Variants in CFAP47 observed in about 807,000 individuals in gnomAD.
CFAP47 encodes cilia and flagella associated protein 47, also known as cilia- and flagella-associated protein 47.
A neutral mutation model predicts 148.1 loss-of-function variants in CFAP47; 29 were observed. The observed-to-expected ratio is 0.20, with a 90% CI of 0.15 to 0.27. CFAP47 has a LOEUF of 0.27. CFAP47 is among the 10% of genes least tolerant of loss of function. CFAP47 has a pLI of 1.00. For missense variants in CFAP47, 1,872 were observed against 1,697.5 expected (o/e 1.10, Z -1.81); for synonymous variants, 664 against 577.3 (o/e 1.15, Z -2.15).
intron 8 of CFAP47, among the ~76,000 whole-genome samples, chrX:35,959,998 A>G (rs748390881): frequency 9.0e-6 from 1 of 110,752 alleles, no homozygotes; most frequent in South Asian, 3.8e-4. Flanking sequence ...TCACATATAT[A>G]AAAAAACCAA....
At chrX:36,204,910 G>A (rs1359357637) in intron 44 of CFAP47, 47 bp from the exon 45 acceptor site, 4 of 294,067 alleles carry the variant, frequency 1.4e-5, no homozygotes, top group Non-Finnish European at 2.4e-5. Flanking sequence ...GTGTTTTGGA[G>A]GTGAAAGTTA....
intron 11 of CFAP47, 80 bp downstream of exon 11, chrX:35,971,003 CT>C: frequency 2.5e-6 from 2 of 789,488 alleles, no homozygotes; most frequent in Non-Finnish European, 1.8e-6. Context: ...TCCTTGGTTT[CT>C]TTTTATTTTA....
chrX:36,294,039 G>A (rs1556005989), intron 51 of CFAP47, among the ~76,000 whole-genome samples: 2 of 111,467 alleles, frequency 1.8e-5, no homozygotes, highest in African/African-American at 3.3e-5. Flanking sequence ...AAAGGACCCA[G>A]AGCAAGAAAC....
intron 15 of CFAP47, among the ~76,000 whole-genome samples, chrX:35,977,252 G>A (rs1214736272): frequency 9.0e-6 from 1 of 111,690 alleles, no homozygotes; most frequent in Non-Finnish European, 1.9e-5. Flanking sequence ...CTGCTCACTA[G>A]CTATTTTAAC....
At position 36,047,106 on chromosome X, in the gene CFAP47, G is replaced by T. The variant is rs1360038137; in HGVS notation, c.4217+43G>T. ...ACATTATTTTGTATCTGACATTAAAGAATAACATATTTATATTTTACACCA... is the reference window on the plus strand; with the variant it reads ...ACATTATTTTGTATCTGACATTAAATAATAACATATTTATATTTTACACCA... On this transcript the variant is annotated intron_variant, in intron 26 of 63. Transcript: ENST00000378653. 5 of 852,868 alleles carry T rather than the reference G, an allele frequency of 5.9e-6. No homozygotes were observed. In the East Asian group the frequency reaches 1.7e-4, roughly 29 times the overall value. 70.3% of individuals were successfully genotyped at this position (852,868 alleles called of 1,213,427 possible). A position where few individuals can be genotyped will look rare whatever the true frequency, so the allele number is the denominator to read the frequency against.
At chrX:36,155,261 C>T (rs1939354221) in intron 37 of CFAP47, among the ~76,000 whole-genome samples, 1 of 111,523 alleles carries the variant, frequency 9.0e-6, no homozygotes, top group African/African-American at 3.3e-5. Context: ...TTACCTTGAT[C>T]TTAGTGTTCC....
chrX:36,305,867 G>C (rs1279347132), intron 54 of CFAP47, among the ~76,000 whole-genome samples: 10 of 111,636 alleles, frequency 9.0e-5, no homozygotes, highest in Non-Finnish European at 1.9e-4. Flanking sequence ...GCCAGCCTGA[G>C]ATAAAAATAT....
At chrX:36,233,508 C>T (rs1940402219) in intron 46 of CFAP47, among the ~76,000 whole-genome samples, 1 of 111,241 alleles carries the variant, frequency 9.0e-6, no homozygotes, top group African/African-American at 3.3e-5. Context: ...CTATGTGTGT[C>T]TCTGCCCGTG....
At chrX:36,319,689 G>T (rs1602106855) in intron 57 of CFAP47, among the ~76,000 whole-genome samples, 1 of 111,111 alleles carries the variant, frequency 9.0e-6, no homozygotes, top group East Asian at 2.8e-4. Flanking sequence ...GTAATAAAAA[G>T]TAGTATCAGT....
At chrX:36,306,412 G>T in intron 54 of CFAP47, among the ~76,000 whole-genome samples, 1 of 111,554 alleles carries the variant, frequency 9.0e-6, no homozygotes, top group Middle Eastern at 4.7e-3. Context: ...GTTACAGGTG[G>T]TTTGACATGT....
At chrX:36,374,143 G>C (rs188792235) in intron 62 of CFAP47, among the ~76,000 whole-genome samples, 1 of 110,866 alleles carries the variant, frequency 9.0e-6, no homozygotes, top group African/African-American at 3.3e-5. Flanking sequence ...TGAATATTTA[G>C]TAGAATTTAG....
intron 33 of CFAP47, among the ~76,000 whole-genome samples, chrX:36,114,911 C>T (rs1938614974): frequency 8.9e-6 from 1 of 112,125 alleles, no homozygotes; most frequent in Non-Finnish European, 1.9e-5. Flanking sequence ...GGATTCCTGC[C>T]TTCATGCAAG....
chrX:35,966,157 T>C lies in CFAP47; in HGVS notation c.1411-408T>C, dbSNP rs887893445. ...TATTTAAGAAAAATAATTTTTTAAA[T>C]AATTTTTTAAATAATTTCATTACTT... On this transcript the variant is annotated intron_variant, in intron 8 of 63. Transcript: ENST00000378653. 3.8e-5 allele frequency among the ~76,000 whole-genome samples: 4 copies of C among 106,064 alleles called. No individual in the cohort carries two copies. The Admixed American group carries it at 4.1e-4, about 11-fold the overall frequency. The allele number at this position is 106,064 out of a possible 115,157, so 92.1% of individuals were successfully genotyped here.
intron 18 of CFAP47, among the ~76,000 whole-genome samples, chrX:35,996,551 G>A (rs1327561417): frequency 9.0e-6 from 1 of 111,432 alleles, no homozygotes; most frequent in Non-Finnish European, 1.9e-5. Context: ...TATACAGACA[G>A]GGTTTCCAAG....
chrX:36,170,009 C>T (rs1939546811), intron 39 of CFAP47, among the ~76,000 whole-genome samples: 1 of 111,606 alleles, frequency 9.0e-6, no homozygotes, highest in African/African-American at 3.3e-5. Context: ...TCAGTCTTTC[C>T]CTTCTTCAGG....
At chrX:35,975,416 G>A in intron 14 of CFAP47, 53 bp downstream of exon 14, 8 of 801,658 alleles carry the variant, frequency 1.0e-5, no homozygotes, top group Non-Finnish European at 1.5e-5. Context: ...TACTTCTGTA[G>A]AATATGTATT....
At chrX:36,329,829 C>A (rs1175077433) in intron 57 of CFAP47, among the ~76,000 whole-genome samples, 8 of 111,387 alleles carry the variant, frequency 7.2e-5, no homozygotes, top group African/African-American at 2.6e-4. Flanking sequence ...AGCTTATGTT[C>A]ATTCCTGGAA....
At chrX:35,991,748 C>A in intron 16 of CFAP47, 73 bp from the exon 17 acceptor site, 1 of 283,862 alleles carries the variant, frequency 3.5e-6, no homozygotes, top group South Asian at 2.2e-4. Context: ...TTTTTGTGAC[C>A]AAAACAATTA....
At chrX:36,327,572 A>G (rs1260577768) in intron 57 of CFAP47, among the ~76,000 whole-genome samples, 4 of 111,943 alleles carry the variant, frequency 3.6e-5, no homozygotes, top group African/African-American at 1.3e-4. Context: ...TTCTCAAAGA[A>G]GTTAAAACAG....
Sources: allele counts gnomAD v4.1 joint callset (sites outside exome capture counted in the v4.1 genomes callset), GRCh38; gene constraint gnomAD v4.1.1; transcripts MANE v1.5; gene names NCBI Gene and HGNC (gene_info 2026-07-23, HGNC 2026-07-21).